Variants in WSCD2 observed in about 807,000 individuals in gnomAD.
WSCD2 encodes WSC domain sialate O sulfotransferase 2.
In WSCD2, 28 loss-of-function variants were observed where a neutral mutation model predicts 55.7. The ratio of observed to expected loss-of-function variants is 0.50; its 90% CI spans 0.37 to 0.69. WSCD2 has a LOEUF of 0.69. WSCD2 is among the 30% of genes least tolerant of loss of function. The pLI is 0.00. For synonymous variants in WSCD2, 301 were observed against 301.9 expected (o/e 1.00, Z 0.03); for missense variants, 616 against 762.1 (o/e 0.81, Z 2.26).
intron 1 of WSCD2, among the ~76,000 whole-genome samples, chr12:108,173,184 C>T (rs1880412396): frequency 6.6e-6 from 1 of 152,176 alleles, no homozygotes; most frequent in Admixed American, 6.5e-5. Context: ...CTTGCTGCTG[C>T]TTCACTAGCA....
chr12:108,207,093 G>T (rs557965258), intron 3 of WSCD2, among the ~76,000 whole-genome samples: 11 of 152,130 alleles, frequency 7.2e-5, no homozygotes, highest in Middle Eastern at 3.2e-3. Context: ...GACTAGGGGG[G>T]AGTGAGTTGA....
At chr12:108,175,598 CCA>C (rs549368533) in intron 1 of WSCD2, among the ~76,000 whole-genome samples, 1 of 152,208 alleles carries the variant, frequency 6.6e-6, no homozygotes, top group Non-Finnish European at 1.5e-5. Context: ...AAAAATAACC[CCA>C]GTGTTACTGC....
At chr12:108,234,695 T>C (rs1489768730) in intron 7 of WSCD2, among the ~76,000 whole-genome samples, 1 of 152,190 alleles carries the variant, frequency 6.6e-6, no homozygotes, top group East Asian at 1.9e-4. Flanking sequence ...CCTGAAGCAG[T>C]GGCTGTGGAA....
chr12:108,182,322 C>T (rs1881883795), intron 1 of WSCD2, among the ~76,000 whole-genome samples: 1 of 152,170 alleles, frequency 6.6e-6, no homozygotes, highest in East Asian at 1.9e-4. Flanking sequence ...ATCCTGGTCA[C>T]TGGAAGGCAG....
At chr12:108,222,958 G>A (rs138204638) in intron 4 of WSCD2, among the ~76,000 whole-genome samples, 2 of 152,332 alleles carry the variant, frequency 1.3e-5, no homozygotes, top group East Asian at 1.9e-4. Flanking sequence ...ATTGGCTTAC[G>A]CAATTGCGGG....
chr12:108,242,936 T>G (rs1245164423), intron 8 of WSCD2, among the ~76,000 whole-genome samples: 1 of 152,216 alleles, frequency 6.6e-6, no homozygotes, highest in East Asian at 1.9e-4. Context: ...GGGTCCCATA[T>G]GAGTCTGAGA....
chr12:108,236,579 TCA>T (rs1178528619), intron 7 of WSCD2, among the ~76,000 whole-genome samples: 1 of 146,442 alleles, frequency 6.8e-6, no homozygotes, highest in Admixed American at 6.7e-5. Flanking sequence ...TCTCTCTCTC[TCA>T]TTCTCTCTCT....
intron 1 of WSCD2, among the ~76,000 whole-genome samples, chr12:108,156,901 C>T (rs951807505): frequency 6.6e-6 from 1 of 152,204 alleles, no homozygotes; most frequent in African/African-American, 2.4e-5. Flanking sequence ...AACCTCTGCC[C>T]ACATTGGTAT....
intron 1 of WSCD2, among the ~76,000 whole-genome samples, chr12:108,156,956 A>G (rs1269985548): frequency 6.6e-6 from 1 of 152,152 alleles, no homozygotes. Flanking sequence ...CACTGCCAGG[A>G]CTTGTTTGGA....
chr12:108,185,015 C>G lies in WSCD2; in HGVS notation c.-551-10267C>G, dbSNP rs534939432. On this transcript the variant is annotated intron_variant, in intron 1 of 8. Transcript: ENST00000547525. ...TCCTAAGCCCCTTCCCCCATAAACTCTGTATCAGTTTCCATTGCTGATGAA... is the reference window on the plus strand; with the variant it reads ...TCCTAAGCCCCTTCCCCCATAAACTGTGTATCAGTTTCCATTGCTGATGAA... Among the ~76,000 whole-genome samples the G allele has an allele frequency of 2.0e-5, 3 of 152,280 alleles. No individual in the cohort carries two copies. The South Asian group carries it at 6.2e-4, about 32-fold the overall frequency.
intron 2 of WSCD2, 72 bp from the exon 3 acceptor site, chr12:108,206,217 T>A: frequency 2.4e-6 from 3 of 1,266,944 alleles, no homozygotes; most frequent in Non-Finnish European, 3.5e-6. Context: ...CAGAGACACA[T>A]TGGTGAGGCT....
At position 108,210,175 on chromosome 12, in the gene WSCD2, G is replaced by A. The variant is rs758075570; in HGVS notation, c.552G>A (p.Lys184=). The change falls in exon 4 of 9, where the codon AAG becomes AAA. Residue 184 remains lysine (K), a synonymous_variant. Coordinates refer to ENST00000547525, the MANE Select transcript of WSCD2 (RefSeq NM_014653.4). The surrounding 1 kb of genome is among the most constrained non-coding windows in gnomAD (Gnocchi z 4.3). ...GCGCCGAGTGCTACTGCGGCCACAA[G>A]ATCCAGGCGACGAACGTGAGCGAGG... The part of the protein sequence containing the change: ...EFGAECYCGH[K]IQATNVSEAE... 1.2e-6 allele frequency: 2 copies of A among 1,614,136 alleles called. No individual in the cohort carries two copies. Among genetic ancestry groups the A allele is most frequent in the South Asian group, 2.2e-5 (2 of 91,080 alleles).
At chr12:108,164,457 A>T (rs917811044) in intron 1 of WSCD2, among the ~76,000 whole-genome samples, 1 of 151,992 alleles carries the variant, frequency 6.6e-6, no homozygotes, top group Non-Finnish European at 1.5e-5. Flanking sequence ...CGTGAGATTT[A>T]TTCACGATGT....
chr12:108,227,609 C>G lies in WSCD2; in HGVS notation c.979+445C>G, dbSNP rs77561732. Among the ~76,000 whole-genome samples the G allele has an allele frequency of 6.3e-3, 955 of 152,328 alleles. 3 individuals carry two copies. The highest frequency in any genetic ancestry group is 0.011 in the Admixed American group (176 of 15,312). ...TTATCTATAAGTTCTTCCTTCTTCT[C>G]TCTCCCTGTCTCACTCATCCTTTCC... On this transcript the variant is annotated intron_variant, in intron 6 of 8. Transcript: ENST00000547525.
intron 1 of WSCD2, among the ~76,000 whole-genome samples, chr12:108,140,067 G>A (rs1876624121): frequency 6.6e-6 from 1 of 152,186 alleles, no homozygotes; most frequent in African/African-American, 2.4e-5. Flanking sequence ...AGAGTTCTCA[G>A]CCCAGGGCAA....
At chr12:108,181,801 C>A (rs1881800131) in intron 1 of WSCD2, among the ~76,000 whole-genome samples, 1 of 152,172 alleles carries the variant, frequency 6.6e-6, no homozygotes, top group Admixed American at 6.5e-5. Flanking sequence ...GCCATAGCTG[C>A]CCCTGTTGAT....
At chr12:108,177,345 C>A (rs1881021592) in intron 1 of WSCD2, among the ~76,000 whole-genome samples, 1 of 152,072 alleles carries the variant, frequency 6.6e-6, no homozygotes, top group Non-Finnish European at 1.5e-5. Flanking sequence ...AGAGCCCCTG[C>A]TTGTTAGAAG....
chr12:108,223,788 AACTG>A (rs1887782983), intron 4 of WSCD2, among the ~76,000 whole-genome samples: 1 of 152,142 alleles, frequency 6.6e-6, no homozygotes, highest in Non-Finnish European at 1.5e-5. Flanking sequence ...CATAGCCAAA[AACTG>A]ACTGACATTG....
At chr12:108,157,742 T>G (rs1265100559) in intron 1 of WSCD2, among the ~76,000 whole-genome samples, 4 of 152,152 alleles carry the variant, frequency 2.6e-5, no homozygotes, top group Non-Finnish European at 5.9e-5. Context: ...TTCTTCCTCG[T>G]CATCTTGCAA....
Sources: gnomAD v4.1 joint callset for allele counts (sites outside exome capture counted in the v4.1 genomes callset) on GRCh38, gnomAD v4.1.1 for gene constraint, Gnocchi (gnomAD v3.1) non-coding constraint, MANE v1.5 for transcripts, NCBI Gene and HGNC (gene_info 2026-07-23, HGNC 2026-07-21) for gene names.